Variants in RFPL4AL1 observed in about 807,000 individuals in gnomAD.
RFPL4AL1 encodes the protein ret finger protein-like 4A-like protein 1.
A neutral mutation model predicts 8.2 loss-of-function variants in RFPL4AL1; 2 were observed. The ratio of observed to expected loss-of-function variants is 0.24; its 90% CI spans 0.10 to 0.77. RFPL4AL1 has a LOEUF of 0.77. RFPL4AL1 is among the 30% of genes least tolerant of loss of function. RFPL4AL1 has a pLI of 0.72. For synonymous variants in RFPL4AL1, 25 were observed against 131.8 expected, an observed-to-expected ratio of 0.19 and a Z score of 5.55; for missense variants, 57 against 350.3, an observed-to-expected ratio of 0.16 and a Z score of 6.68.
chr19:55,770,440 C>T (rs1450748910), intron 1 of RFPL4AL1, among the ~76,000 whole-genome samples: 2 of 151,846 alleles, frequency 1.3e-5, no homozygotes, highest in Non-Finnish European at 2.9e-5. Flanking sequence ...GAAGTGTGGG[C>T]GTGATTCTGA....
intron 1 of RFPL4AL1, among the ~76,000 whole-genome samples, chr19:55,769,705 T>C (rs1388199198): frequency 1.3e-5 from 2 of 151,834 alleles, no homozygotes; most frequent in African/African-American, 2.4e-5. Context: ...TTTAATTGTT[T>C]TGAGACAGGG....
intron 1 of RFPL4AL1, among the ~76,000 whole-genome samples, chr19:55,769,854 C>A (rs1336033906): frequency 6.6e-6 from 1 of 151,832 alleles, no homozygotes; most frequent in African/African-American, 2.4e-5. Flanking sequence ...ATCATGCCCT[C>A]GGCCTTCATC....
rs1989512963 is a variant in RFPL4AL1 at position 55,772,191 on chromosome 19, A to C, written c.286+101A>C. The stretch of plus-strand genomic sequence containing the variant: ...CATAGGCATTAGCAGGATATCTAGC[A>C]TCTAAAACTTCCATGCTTCACAAAC... On this transcript the variant is annotated intron_variant, in intron 2 of 2. Transcript: ENST00000341750. 54 of 1,115,356 alleles carry C rather than the reference A, an allele frequency of 4.8e-5. No individual in the cohort carries two copies. The South Asian group carries it at 8.2e-4, about 17-fold the overall frequency. The allele number at this position is 1,115,356 out of a possible 1,614,324, so 69.1% of individuals were successfully genotyped here.
At position 55,771,368 on chromosome 19, in the gene RFPL4AL1, T is replaced by C. The variant is rs1431885427; in HGVS notation, c.-9-428T>C. Among the ~76,000 whole-genome samples, 3 of 152,166 alleles carry C rather than the reference T, an allele frequency of 2.0e-5. No individual in the cohort carries two copies. In the South Asian group the frequency reaches 6.2e-4, roughly 32 times the overall value. ...ACTCAGAATATAATCATTTAAGATG[T>C]GAGCAACTTGAAACCTTCTCAAGCA... On this transcript the variant is annotated intron_variant, in intron 1 of 2. Transcript: ENST00000341750.
chr19:55,770,103 T>C (rs1257769629), intron 1 of RFPL4AL1, among the ~76,000 whole-genome samples: 1 of 151,950 alleles, frequency 6.6e-6, no homozygotes, highest in Non-Finnish European at 1.5e-5. Flanking sequence ...TTCTTCATGT[T>C]TTCAGAAACC....
rs1367575402 is a variant in RFPL4AL1, at chr19:55,770,268, A to G, written c.-10+1093A>G. ...GGGGGTAATATCTCATCGCGGTTTT[A>G]TTGCTGGAGGGCTCAGGAGGCTCTC... On this transcript the variant is annotated intron_variant, in intron 1 of 2. Transcript: ENST00000341750. Among the ~76,000 whole-genome samples, 184 of 151,902 alleles carry G rather than the reference A, an allele frequency of 1.2e-3. 3 individuals are homozygous for G. The highest frequency in any genetic ancestry group is 3.3e-3 in the African/African-American group (136 of 41,422).
rs1428966867 is a variant in RFPL4AL1, at chr19:55,772,171, G to A, written c.286+81G>A. On this transcript the variant is annotated intron_variant, in intron 2 of 2. Transcript: ENST00000341750. ...TCAAACATTTCTTCATTAAACATAG[G>A]CATTAGCAGGATATCTAGCATCTAA... 1.7e-5 allele frequency: 24 copies of A among 1,383,292 alleles called. 1 individual carries two copies. Among genetic ancestry groups the A allele is most frequent in the Middle Eastern group, 2.3e-4 (1 of 4,278 alleles). 85.7% of individuals were successfully genotyped at this position (1,383,292 alleles called of 1,614,324 possible).
At chr19:55,771,659 C>T in intron 1 of RFPL4AL1, 137 bp from the exon 2 acceptor site, 6 of 1,051,114 alleles carry the variant, frequency 5.7e-6, no homozygotes, top group Admixed American at 3.0e-5. Context: ...CATGTTGTGT[C>T]TTCATCACTA....
intron 1 of RFPL4AL1, among the ~76,000 whole-genome samples, chr19:55,771,000 C>CT (rs1318582448): frequency 6.6e-6 from 1 of 151,510 alleles, no homozygotes; most frequent in Non-Finnish European, 1.5e-5. Flanking sequence ...TTGCTACGGC[C>CT]TTGAAAATAT....
chr19:55,771,758 T>C (rs1208565460), intron 1 of RFPL4AL1, 38 bp from the exon 2 acceptor site: 8 of 1,550,540 alleles, frequency 5.2e-6, no homozygotes, highest in African/African-American at 4.1e-5. Context: ...ATTCAGCTCG[T>C]GGAAATTCTA....
chr19:55,772,142 A>G, intron 2 of RFPL4AL1, 52 bp downstream of exon 2: 7 of 1,381,834 alleles, frequency 5.1e-6, no homozygotes, highest in Non-Finnish European at 5.8e-6. Context: ...TGGGAAAACG[A>G]CTTTCAAACA....
intron 1 of RFPL4AL1, among the ~76,000 whole-genome samples, chr19:55,769,760 T>G (rs1163013829): frequency 6.6e-6 from 1 of 151,620 alleles, no homozygotes; most frequent in Non-Finnish European, 1.5e-5. Context: ...TATTTTCTGA[T>G]TCTATGAGAT....
At position 55,769,925 on chromosome 19, in the gene RFPL4AL1, T is replaced by C. The variant is rs374578628; in HGVS notation, c.-10+750T>C. 8.0e-3 allele frequency among the ~76,000 whole-genome samples: 1,198 copies of C among 150,102 alleles called. No homozygotes were observed. In the East Asian group the frequency reaches 0.091, roughly 11 times the overall value. ...ATGGTAGAATAATCCAATGTATATA[T>C]CACCATTTCCTCATCTATTTTTCTC... On this transcript the variant is annotated intron_variant, in intron 1 of 2. Transcript: ENST00000341750.
chr19:55,770,930 G>T (rs1202608070), intron 1 of RFPL4AL1, among the ~76,000 whole-genome samples: 2 of 151,950 alleles, frequency 1.3e-5, no homozygotes, highest in Non-Finnish European at 2.9e-5. Context: ...GCTTTTCAGA[G>T]AAATGTCTAT....
intron 1 of RFPL4AL1, among the ~76,000 whole-genome samples, chr19:55,771,043 A>G (rs1455869902): frequency 6.8e-6 from 1 of 148,068 alleles, no homozygotes; most frequent in Non-Finnish European, 1.5e-5. Flanking sequence ...ATCCATTGTC[A>G]TATATATGGC....
chr19:55,770,697 T>C (rs1989475498), intron 1 of RFPL4AL1, among the ~76,000 whole-genome samples: 1 of 151,882 alleles, frequency 6.6e-6, no homozygotes, highest in Non-Finnish European at 1.5e-5. Flanking sequence ...CTCCCTCCGG[T>C]TTTTTAGCAC....
At chr19:55,772,329 A>C in intron 2 of RFPL4AL1, among the ~76,000 whole-genome samples, 1 of 130,548 alleles carries the variant, frequency 7.7e-6, no homozygotes, top group Non-Finnish European at 1.7e-5. Flanking sequence ...GCTAAATGGA[A>C]AACTAATTTT....
chr19:55,771,079 G>GTTTTTTTTTTTTTTTT (rs1243816491), intron 1 of RFPL4AL1, among the ~76,000 whole-genome samples: 11 of 89,482 alleles, frequency 1.2e-4, no homozygotes, highest in Non-Finnish European at 1.7e-4. Flanking sequence ...TTTTAGTTCT[G>GTTTTTTTTTTTTTTTT]TTTTTTGTTT....
At position 55,771,605 on chromosome 19, in the gene RFPL4AL1, C is replaced by T. The variant is rs192332778; in HGVS notation, c.-9-191C>T. 2.2e-3 allele frequency among the ~76,000 whole-genome samples: 316 copies of T among 143,592 alleles called. 3 individuals are homozygous for T. The highest frequency in any genetic ancestry group is 7.1e-3 in the African/African-American group (289 of 40,624). 94.2% of individuals were successfully genotyped at this position (143,592 alleles called of 152,430 possible). On this transcript the variant is annotated intron_variant, in intron 1 of 2. Coordinates refer to ENST00000341750, the MANE Select transcript of RFPL4AL1 (RefSeq NM_001277397.2). ...ATGCCCTTTATTCCAATGAGTATTA[C>T]AGATATTAGAAGTTCAGGGCCTCGA...
Sources: gnomAD v4.1 joint callset for allele counts (sites outside exome capture counted in the v4.1 genomes callset) on GRCh38, gnomAD v4.1.1 for gene constraint, MANE v1.5 for transcripts, NCBI Gene and HGNC (gene_info 2026-07-23, HGNC 2026-07-21) for gene names.